Variants in SETD2 observed in about 807,000 individuals in gnomAD.
The protein encoded by SETD2 is SET domain containing 2, histone lysine methyltransferase, also known as histone-lysine N-methyltransferase SETD2.
In SETD2, 31 loss-of-function variants were observed where a neutral mutation model predicts 242.1. The observed-to-expected ratio is 0.13, with a 90% CI of 0.10 to 0.17. The LOEUF (loss-of-function observed/expected upper bound fraction) is 0.17. Among genes scored for constraint, SETD2 ranks in the 10% least tolerant of loss-of-function variants. The pLI is 1.00. For missense variants in SETD2, 2,481 were observed against 3,046.3 expected, an observed-to-expected ratio of 0.81 and a Z score of 4.37; for synonymous variants, 1,006 against 1,066.5, an observed-to-expected ratio of 0.94 and a Z score of 1.11.
At position 47,017,702 on chromosome 3, in the gene SETD2, C is replaced by T. The variant is rs2107488123; in HGVS notation, c.7469G>A (p.Arg2490Gln). The T allele has an allele frequency of 6.2e-7, 1 of 1,613,928 alleles. No individual in the cohort carries two copies. The highest frequency in any genetic ancestry group is 8.5e-7 in the Non-Finnish European group (1 of 1,179,886). The change falls in exon 20 of 21, where the codon CGG (arginine) becomes CAG (glutamine). Residue 2490 changes from arginine (R) to glutamine (Q), a missense_variant. Arg to Gln is a conservative substitution (Grantham distance 43). Coordinates refer to ENST00000409792, the MANE Select transcript of SETD2 (RefSeq NM_014159.7). This position sits in a 1 kb window ranked among gnomAD's most constrained non-coding sequence, Gnocchi z 4.8. ...TCTTCCCACTTTGCAGTCAGGTTTC[C>T]GGTAAGGGTTCAGGCACTGGACGAT... ...QFIVQCLNPY[R>Q]KPDCKVGRIT...
intron 1 of SETD2, among the ~76,000 whole-genome samples, chr3:47,149,296 C>A (rs756428595): frequency 2.6e-5 from 4 of 152,080 alleles, no homozygotes; most frequent in Non-Finnish European, 5.9e-5. Flanking sequence ...TGTCTTTGGA[C>A]TTCCTTTTCT....
intron 10 of SETD2, among the ~76,000 whole-genome samples, 175 bp from the exon 11 acceptor site, chr3:47,086,489 C>A (rs940764371): frequency 6.6e-6 from 1 of 152,130 alleles, no homozygotes; most frequent in South Asian, 2.1e-4. Flanking sequence ...ACAACAAATG[C>A]TTTAAACAGA....
intron 7 of SETD2, among the ~76,000 whole-genome samples, chr3:47,102,491 T>C (rs2107685745): frequency 6.6e-6 from 1 of 152,302 alleles, no homozygotes; most frequent in South Asian, 2.1e-4. Context: ...AGCTTTAACC[T>C]TAAAAAGTTA....
chr3:47,080,049 T>C (rs544080109), intron 12 of SETD2, among the ~76,000 whole-genome samples: 16 of 152,338 alleles, frequency 1.1e-4, no homozygotes, highest in Admixed American at 9.1e-4. Flanking sequence ...TTTTCAAATG[T>C]TGCACAGCAG....
chr3:47,048,193 T>A (rs1311788525), intron 15 of SETD2, among the ~76,000 whole-genome samples: 1 of 152,082 alleles, frequency 6.6e-6, no homozygotes, highest in Non-Finnish European at 1.5e-5. Flanking sequence ...ATCGAGACCA[T>A]CCTGGCTAAC....
At chr3:47,092,264 A>G (rs2041836656) in intron 9 of SETD2, among the ~76,000 whole-genome samples, 1 of 152,094 alleles carries the variant, frequency 6.6e-6, no homozygotes, top group Admixed American at 6.5e-5. Flanking sequence ...CAGCTTCCCT[A>G]ATTTTGGGTG....
chr3:47,062,901 C>G (rs2107591785), intron 13 of SETD2, among the ~76,000 whole-genome samples: 2 of 152,146 alleles, frequency 1.3e-5, no homozygotes, highest in Non-Finnish European at 2.9e-5. Flanking sequence ...TATGATTGCA[C>G]CACTGCAGTC....
Position 47,123,250 on chromosome 3 carries a change from T to C in SETD2, c.1386A>G (p.Glu462=). ...TTGAGTATGTCTTCTTATACTCTTC[T>C]TCTGAGTCAGAACTCTCTCGTGCTC... ...DNRARESSDS[E]EEYKKTYSRR... Residue 462 remains glutamate, a synonymous_variant, in exon 3 of 21, where the codon GAA becomes GAG. Transcript: ENST00000409792. The C allele has an allele frequency of 6.4e-7, 1 of 1,554,526 alleles. No homozygotes were observed. Among genetic ancestry groups the C allele is most frequent in the Non-Finnish European group, 8.7e-7 (1 of 1,147,898 alleles).
chr3:47,117,467 T>C (rs748957583), intron 3 of SETD2, among the ~76,000 whole-genome samples: 61 of 152,236 alleles, frequency 4.0e-4, no homozygotes, highest in Non-Finnish European at 5.6e-4. Flanking sequence ...GGAAAACTCA[T>C]GCATTTCAAA....
chr3:47,063,246 A>C (rs1227773801), intron 13 of SETD2, among the ~76,000 whole-genome samples: 1 of 152,194 alleles, frequency 6.6e-6, no homozygotes, highest in Non-Finnish European at 1.5e-5. Flanking sequence ...TATAAATATA[A>C]AAGGAAAATA....
chr3:47,098,726 G>A (rs779933837), intron 8 of SETD2, among the ~76,000 whole-genome samples: 3 of 152,092 alleles, frequency 2.0e-5, no homozygotes, highest in Non-Finnish European at 4.4e-5. Context: ...AATCCAGGAG[G>A]CAGAGGTTGC....
intron 1 of SETD2, among the ~76,000 whole-genome samples, chr3:47,150,394 C>T (rs1035853847): frequency 3.3e-5 from 5 of 151,646 alleles, no homozygotes; most frequent in Admixed American, 2.6e-4. Flanking sequence ...CCTTTTTGCC[C>T]GTAATATTTT....
chr3:47,040,125 C>T (rs529544653), intron 17 of SETD2, among the ~76,000 whole-genome samples: 1 of 151,970 alleles, frequency 6.6e-6, no homozygotes, highest in East Asian at 2.0e-4. Flanking sequence ...ATTACAGGCA[C>T]CTGCCACCAA....
At chr3:47,080,679 C>T (rs912578573) in intron 12 of SETD2, 5 of 416,882 alleles carry the variant, frequency 1.2e-5, no homozygotes, top group African/African-American at 8.7e-5. Flanking sequence ...AATACATGCT[C>T]ACAAGTGGCA....
At chr3:47,149,306 T>C (rs1428676405) in intron 1 of SETD2, among the ~76,000 whole-genome samples, 2 of 152,136 alleles carry the variant, frequency 1.3e-5, no homozygotes, top group Non-Finnish European at 2.9e-5. Context: ...CTTCCTTTTC[T>C]TCCCTTTATA....
intron 17 of SETD2, among the ~76,000 whole-genome samples, chr3:47,039,642 G>T (rs2039182368): frequency 6.7e-6 from 1 of 149,478 alleles, no homozygotes; most frequent in African/African-American, 2.5e-5. Flanking sequence ...GAGGCAGGTG[G>T]ATCACCTGAG....
At position 47,121,553 on chromosome 3, in the gene SETD2, G is replaced by C; in HGVS notation, c.3083C>G (p.Pro1028Arg). The C allele has an allele frequency of 6.2e-7, 1 of 1,614,068 alleles. No homozygotes were observed. The highest frequency in any genetic ancestry group is 8.5e-7 in the Non-Finnish European group (1 of 1,179,964). Residue 1028 changes from proline to arginine, a missense_variant, in exon 3 of 21, where the codon CCA (proline) becomes CGA (arginine). Transcript: ENST00000409792. ...ALKCDSSGHAPEIVSTVHEDY... is the reference protein window; with the variant it reads ...ALKCDSSGHAREIVSTVHEDY... Reference sequence around the variant, plus strand: ...TTCATGAACTGTAGACACAATTTCTGGGGCATGACCACTACTGTCACACTT... The same window carrying C: ...TTCATGAACTGTAGACACAATTTCTCGGGCATGACCACTACTGTCACACTT...
At chr3:47,145,121 T>C (rs1405625292) in intron 1 of SETD2, among the ~76,000 whole-genome samples, 1 of 152,146 alleles carries the variant, frequency 6.6e-6, no homozygotes, top group Non-Finnish European at 1.5e-5. Flanking sequence ...AAACTGACAA[T>C]GTGTAAACAT....
chr3:47,127,290 C>T lies in SETD2; in HGVS notation c.72-627G>A, dbSNP rs1005755353. Among the ~76,000 whole-genome samples the T allele has an allele frequency of 4.7e-5, 7 of 149,532 alleles. No individual in the cohort carries two copies. In the South Asian group the frequency reaches 1.1e-3, roughly 23 times the overall value. ...GGAGGATCACCTGAGCCCAGGAGGTCGAGGCTGCAGGTAGCCATGATCACA... is the reference window on the plus strand; with the variant it reads ...GGAGGATCACCTGAGCCCAGGAGGTTGAGGCTGCAGGTAGCCATGATCACA... On this transcript the variant is annotated intron_variant, in intron 1 of 20. Coordinates refer to ENST00000409792, the MANE Select transcript of SETD2 (RefSeq NM_014159.7).
Sources: gnomAD v4.1 joint callset for allele counts (sites outside exome capture counted in the v4.1 genomes callset) on GRCh38, gnomAD v4.1.1 for gene constraint, Gnocchi (gnomAD v3.1) non-coding constraint, MANE v1.5 for transcripts, NCBI Gene and HGNC (gene_info 2026-07-23, HGNC 2026-07-21) for gene names.